Variants in HERC1 observed in about 807,000 individuals in gnomAD.
HERC1 encodes HECT and RLD domain containing E3 ubiquitin protein ligase family member 1.
A neutral mutation model predicts 554.3 loss-of-function variants in HERC1; 160 were observed. That is an observed-to-expected ratio of 0.29 (90% CI 0.25 to 0.33). The LOEUF is 0.33. HERC1 is among the 10% of genes least tolerant of loss of function. HERC1 has a pLI of 1.00. For synonymous variants in HERC1, 2,175 were observed against 2,131.7 expected (o/e 1.02, Z -0.56); for missense variants, 4,919 against 5,918.5 (o/e 0.83, Z 5.54).
intron 34 of HERC1, among the ~76,000 whole-genome samples, chr15:63,685,750 G>A (rs1167834128): frequency 6.6e-6 from 1 of 152,164 alleles, no homozygotes; most frequent in South Asian, 2.1e-4. Context: ...AAAAGAAGGA[G>A]TTAACACAAC....
intron 59 of HERC1, 148 bp downstream of exon 59, chr15:63,642,806 CCTT>C (rs2069136749): frequency 5.0e-6 from 3 of 597,712 alleles, no homozygotes; most frequent in African/African-American, 3.7e-5. Flanking sequence ...TTCTAATTCT[CCTT>C]CTGCTACTAA....
Position 63,624,151 on chromosome 15 carries a change from T to G in HERC1, c.13445+7A>C, listed in dbSNP as rs749182762. On this transcript the variant is annotated splice_region_variant and intron_variant, in intron 72 of 77. Transcript: ENST00000443617. The stretch of plus-strand genomic sequence containing the variant: ...CTCATTAGTCAAACACACATACATA[T>G]GCTAACCTGGTTGATATCCTCTTTA... 6.2e-6 allele frequency: 10 copies of G among 1,604,466 alleles called. No individual in the cohort carries two copies. The South Asian group carries it at 7.8e-5, about 13-fold the overall frequency.
intron 1 of HERC1, among the ~76,000 whole-genome samples, chr15:63,787,225 C>T (rs1360343133): frequency 6.6e-6 from 1 of 151,926 alleles, no homozygotes; most frequent in Non-Finnish European, 1.5e-5. Context: ...GGTGCAATCT[C>T]CGTTCACTGC....
chr15:63,652,589 T>A, intron 51 of HERC1, 48 bp from the exon 52 acceptor site: 3 of 1,417,608 alleles, frequency 2.1e-6, no homozygotes, highest in Non-Finnish European at 2.9e-6. Context: ...TTCAAATGAT[T>A]TTATTATTTG....
At position 63,612,547 on chromosome 15, in the gene HERC1, C is replaced by G; in HGVS notation, c.14104G>C (p.Val4702Leu). ...ACAATCCAGGACATCCCTTCTCGGA[C>G]TGCAGCCACCTGCTCCCGGGAGAGG... ...LHEMDRQVAA[V>L]REGMSWIVPV... The change falls in exon 77 of 78, where the codon GTC becomes CTC. Residue 4702 changes from valine to leucine, a missense_variant. Physicochemically the swap from Val to Leu is conservative, Grantham distance 32. Around this residue, in one of 11 missense-constraint regions of HERC1, gnomAD observed 284 missense variants for 294.1 expected, o/e 0.97. Transcript: ENST00000443617. This position sits in a 1 kb window ranked among gnomAD's most constrained non-coding sequence, Gnocchi z 5.0. 6.2e-7 allele frequency: 1 copy of G among 1,612,668 alleles called. No individual in the cohort carries two copies. The highest frequency in any genetic ancestry group is 8.5e-7 in the Non-Finnish European group (1 of 1,178,942).
chr15:63,674,601 A>C lies in HERC1; in HGVS notation c.7587T>G (p.Ala2529=). ...LSALLGCSKY[A]ELLLIPKVLA... ...GAACTTTTGGTATCAGCAACAGCTC[A>C]GCATATTTACTACAGCCAAGAAGGG... Residue 2529 remains alanine (A), a synonymous_variant, in exon 38 of 78, where the codon GCT becomes GCG. Transcript: ENST00000443617. 1 of 1,612,968 alleles carries C rather than the reference A, an allele frequency of 6.2e-7. No individual in the cohort carries two copies. The highest frequency in any genetic ancestry group is 8.5e-7 in the Non-Finnish European group (1 of 1,179,388).
At chr15:63,805,370 C>T (rs2077105852) in intron 1 of HERC1, among the ~76,000 whole-genome samples, 1 of 151,984 alleles carries the variant, frequency 6.6e-6, no homozygotes, top group Non-Finnish European at 1.5e-5. Context: ...TTATGCTAAG[C>T]GAAATAAGCC....
intron 76 of HERC1, among the ~76,000 whole-genome samples, 152 bp downstream of exon 76, chr15:63,615,616 A>G (rs2067781848): frequency 6.6e-6 from 1 of 152,250 alleles, no homozygotes; most frequent in Non-Finnish European, 1.5e-5. Flanking sequence ...TCTCAAAAAT[A>G]AATAAGTAAA....
Position 63,616,534 on chromosome 15 carries a change from G to C in HERC1, c.13837C>G (p.Leu4613Val), listed in dbSNP as rs752698421. 2 of 1,613,994 alleles carry C rather than the reference G, an allele frequency of 1.2e-6. No individual in the cohort carries two copies. Among genetic ancestry groups the C allele is most frequent in the South Asian group, 1.1e-5 (1 of 91,086 alleles). The change falls in exon 75 of 78, where the codon CTC (leucine) becomes GTC (valine). Residue 4613 changes from leucine to valine, a missense_variant. Leu to Val is a conservative substitution (Grantham distance 32, BLOSUM62 1). Coordinates refer to ENST00000443617, the MANE Select transcript of HERC1 (RefSeq NM_003922.4). ...LVWKQLCCVPLTLEDLEEVDL... is the reference protein window; with the variant it reads ...LVWKQLCCVPVTLEDLEEVDL... ...ACCTCCTCCAGGTCCTCTAGGGTGA[G>C]TGGGACACAGCACAGCTGCTTCCAC...
At chr15:63,646,840 A>C (rs1313921393) in intron 55 of HERC1, among the ~76,000 whole-genome samples, 6 of 151,712 alleles carry the variant, frequency 4.0e-5, no homozygotes, top group South Asian at 2.1e-4. Flanking sequence ...AAAAACAAAA[A>C]CAAAACAAAA....
rs1044768887 is a variant in HERC1 at position 63,652,554 on chromosome 15, A to C, written c.10291-13T>G. The C allele has an allele frequency of 1.9e-6, 3 of 1,562,426 alleles. No homozygotes were observed. In the African/African-American group the frequency reaches 4.1e-5, roughly 21 times the overall value. ...CACATGTCATTACCTAGAAAAGTTG[A>C]AACAGGTAGTCTAATAATTTTCTAT... On this transcript the variant is annotated splice_polypyrimidine_tract_variant and intron_variant, in intron 51 of 77. Coordinates refer to ENST00000443617, the MANE Select transcript of HERC1 (RefSeq NM_003922.4).
chr15:63,693,915 G>A, intron 30 of HERC1, 49 bp downstream of exon 30: 1 of 1,517,212 alleles, frequency 6.6e-7, no homozygotes, highest in Non-Finnish European at 8.9e-7. Context: ...ACACAATGGG[G>A]TTTTAATAAA....
Position 63,640,145 on chromosome 15 carries a change from C to T in HERC1, c.11901+7G>A, listed in dbSNP as rs1280384782. The T allele has an allele frequency of 1.9e-6, 3 of 1,612,598 alleles. No homozygotes were observed. The highest frequency in any genetic ancestry group is 1.1e-5 in the South Asian group (1 of 91,028). ...CTGCAAATAATAGCAGCTCACAGTA[C>T]ATTTACCATTAGAAATACAAGTTCA... On this transcript the variant is annotated splice_region_variant and intron_variant, in intron 61 of 77. Coordinates refer to ENST00000443617, the MANE Select transcript of HERC1 (RefSeq NM_003922.4).
rs538369264 is a variant in HERC1, at chr15:63,796,992, C to T, written c.-26-21343G>A. ...TCTGGCTCCCCCTTTCCATCATGGC[C>T]GGAACTAGTTTATCAGGTTAACTTT... On this transcript the variant is annotated intron_variant, in intron 1 of 77. Coordinates refer to ENST00000443617, the MANE Select transcript of HERC1 (RefSeq NM_003922.4). 7.2e-5 allele frequency among the ~76,000 whole-genome samples: 11 copies of T among 152,130 alleles called. No individual in the cohort carries two copies. In the East Asian group the frequency reaches 1.9e-3, roughly 27 times the overall value.
intron 46 of HERC1, 25 bp from the exon 47 acceptor site, chr15:63,659,961 T>G (rs1266506537): frequency 1.3e-6 from 2 of 1,504,208 alleles, no homozygotes; most frequent in East Asian, 2.3e-5. Flanking sequence ...AATAAATGTA[T>G]AGTATGTGAA....
At chr15:63,776,636 CA>C (rs2076124997) in intron 1 of HERC1, among the ~76,000 whole-genome samples, 1 of 152,128 alleles carries the variant, frequency 6.6e-6, no homozygotes, top group Non-Finnish European at 1.5e-5. Flanking sequence ...TTCTATGTCT[CA>C]ATACTGGTGT....
At chr15:63,784,863 G>A (rs969869710) in intron 1 of HERC1, among the ~76,000 whole-genome samples, 2 of 152,080 alleles carry the variant, frequency 1.3e-5, no homozygotes, top group Non-Finnish European at 2.9e-5. Context: ...AGCCCACCTC[G>A]GCCTCCCAAA....
chr15:63,750,695 G>T (rs1467165985), intron 8 of HERC1, among the ~76,000 whole-genome samples: 1 of 152,160 alleles, frequency 6.6e-6, no homozygotes, highest in African/African-American at 2.4e-5. Flanking sequence ...ACGTTGGGAG[G>T]CTATGGCAGG....
Position 63,727,935 on chromosome 15 carries a change from G to C in HERC1, c.3155-97C>G, listed in dbSNP as rs2074104262. The C allele has an allele frequency of 1.1e-6, 1 of 927,966 alleles. No homozygotes were observed. The highest frequency in any genetic ancestry group is 1.6e-6 in the Non-Finnish European group (1 of 614,426). 57.5% of individuals were successfully genotyped at this position (927,966 alleles called of 1,614,324 possible). ...ATTATTTTAGCTTGGAACTAGAGTA[G>C]ACTCATTCAACAACTCTCTGTTGAA... On this transcript the variant is annotated intron_variant, in intron 16 of 77. Transcript: ENST00000443617. The surrounding 1 kb of genome is among the most constrained non-coding windows in gnomAD (Gnocchi z 4.3).
Sources: allele counts gnomAD v4.1 joint callset (sites outside exome capture counted in the v4.1 genomes callset), GRCh38; gene constraint gnomAD v4.1.1; regional missense constraint gnomAD v4.1.1; non-coding constraint Gnocchi (gnomAD v3.1); transcripts MANE v1.5; gene names NCBI Gene and HGNC (gene_info 2026-07-23, HGNC 2026-07-21).